Variants in THEMIS observed in about 807,000 individuals in gnomAD.
THEMIS encodes the protein thymocyte selection associated, also known as protein THEMIS.
A neutral mutation model predicts 52.6 loss-of-function variants in THEMIS; 37 were observed. That is an observed-to-expected ratio of 0.70 (90% confidence interval 0.54 to 0.93). The LOEUF (loss-of-function observed/expected upper bound fraction) is 0.93, where lower values mean the gene tolerates loss of function less well. Among genes scored for constraint, THEMIS ranks in the 40% least tolerant of loss-of-function variants. The pLI is 0.00. For missense variants in THEMIS, 808 were observed against 763.1 expected (o/e 1.06, Z -0.69); for synonymous variants, 292 against 272.7 (o/e 1.07, Z -0.70).
At chr6:127,896,053 A>G (rs1416528333) in intron 1 of THEMIS, among the ~76,000 whole-genome samples, 1 of 151,576 alleles carries the variant, frequency 6.6e-6, no homozygotes, top group Non-Finnish European at 1.5e-5. Flanking sequence ...TTTAATGTAA[A>G]AAAAACTATG....
chr6:127,759,389 A>G (rs750137795), intron 4 of THEMIS, among the ~76,000 whole-genome samples: 1 of 152,306 alleles, frequency 6.6e-6, no homozygotes, highest in African/African-American at 2.4e-5. Context: ...ACTCATATAA[A>G]TTGAATATAT....
At chr6:127,808,743 A>G (rs1181244559) in intron 4 of THEMIS, among the ~76,000 whole-genome samples, 1 of 152,216 alleles carries the variant, frequency 6.6e-6, no homozygotes, top group African/African-American at 2.4e-5. Flanking sequence ...TTATAATTCT[A>G]AAGTTTCTAC....
At chr6:127,702,616 G>GTT in the THEMIS span, among the ~76,000 whole-genome samples, 129 of 140,876 alleles carry the variant, frequency 9.2e-4, no homozygotes, top group African/African-American at 3.0e-3. Context: ...TGTCTAACCT[G>GTT]TTTTTTTTTT....
intron 4 of THEMIS, 116 bp from the exon 5 acceptor site, chr6:127,719,939 A>AC: frequency 7.5e-7 from 1 of 1,329,124 alleles, no homozygotes; most frequent in Non-Finnish European, 1.0e-6. Context: ...AACATTTGAC[A>AC]TGTCAAAGCA....
chr6:127,891,004 C>T (rs1780788795), intron 1 of THEMIS, among the ~76,000 whole-genome samples: 1 of 152,048 alleles, frequency 6.6e-6, no homozygotes, highest in African/African-American at 2.4e-5. Flanking sequence ...CCTCTGTGCC[C>T]AAGTTGGATT....
chr6:127,812,476 CAGA>C (rs532625550), intron 4 of THEMIS, among the ~76,000 whole-genome samples: 155 of 152,156 alleles, frequency 1.0e-3, no homozygotes, highest in African/African-American at 3.6e-3. Flanking sequence ...CCCCCATCCC[CAGA>C]AGAAGGGAGT....
At chr6:127,850,219 T>C (rs1293133201) in intron 2 of THEMIS, among the ~76,000 whole-genome samples, 1 of 151,842 alleles carries the variant, frequency 6.6e-6, no homozygotes, top group Non-Finnish European at 1.5e-5. Context: ...ATAGCCATAA[T>C]AAAAAAGTCA....
chr6:127,805,486 C>G (rs2114577605), intron 4 of THEMIS, among the ~76,000 whole-genome samples: 1 of 152,108 alleles, frequency 6.6e-6, no homozygotes, highest in South Asian at 2.1e-4. Context: ...CCTCCGGTCT[C>G]TTAAATTTAA....
rs34392593 is a variant in THEMIS at position 127,844,587 on chromosome 6, G to GA, written c.250+10442dup. Among the ~76,000 whole-genome samples the GA allele has an allele frequency of 3.3e-4, 48 of 146,100 alleles. 1 individual carries two copies. Among genetic ancestry groups the GA allele is most frequent in the South Asian group, 2.8e-3 (13 of 4,636 alleles). ...GAGAAAATGTGAACTTGCTGTTTGG[G>GA]AAAAAAAAAAATCTATGTTCTTCAT... On this transcript the variant is annotated intron_variant, in intron 2 of 5. Coordinates refer to ENST00000368248, the MANE Select transcript of THEMIS (RefSeq NM_001010923.3).
At chr6:127,864,522 A>T (rs759144443) in intron 1 of THEMIS, among the ~76,000 whole-genome samples, 1 of 152,124 alleles carries the variant, frequency 6.6e-6, no homozygotes, top group Non-Finnish European at 1.5e-5. Flanking sequence ...ATAGAGAGGC[A>T]TCCTGGAGAA....
At chr6:127,858,348 C>G (rs901292625) in intron 1 of THEMIS, among the ~76,000 whole-genome samples, 5 of 152,024 alleles carry the variant, frequency 3.3e-5, no homozygotes, top group African/African-American at 1.2e-4. Context: ...TGTAATTTCT[C>G]TTTAATATTT....
intron 1 of THEMIS, among the ~76,000 whole-genome samples, chr6:127,858,643 T>C (rs1779696118): frequency 6.6e-6 from 1 of 152,134 alleles, no homozygotes; most frequent in African/African-American, 2.4e-5. Context: ...GTGTAATTGC[T>C]TTTAAAAAAA....
chr6:127,838,805 C>A (rs758921992), intron 2 of THEMIS, among the ~76,000 whole-genome samples: 5 of 152,068 alleles, frequency 3.3e-5, no homozygotes, highest in Non-Finnish European at 5.9e-5. Context: ...GCAAATAATA[C>A]TCTGCATTAA....
chr6:127,822,283 A>G (rs1270749971), intron 3 of THEMIS, among the ~76,000 whole-genome samples: 1 of 151,964 alleles, frequency 6.6e-6, no homozygotes. Flanking sequence ...ATTTGATCTC[A>G]ATTTTCTTTA....
At chr6:127,787,906 T>C (rs1030785203) in intron 4 of THEMIS, among the ~76,000 whole-genome samples, 2 of 150,296 alleles carry the variant, frequency 1.3e-5, no homozygotes, top group African/African-American at 2.4e-5. Flanking sequence ...GATAGATAGA[T>C]AGATAGATAG....
chr6:127,915,981 C>T (rs565691408), intron 1 of THEMIS, among the ~76,000 whole-genome samples: 11 of 152,120 alleles, frequency 7.2e-5, no homozygotes, highest in East Asian at 1.9e-4. Context: ...AGCACCACTC[C>T]GTCTCAAAAC....
chr6:127,861,121 A>G (rs1190734124), intron 1 of THEMIS, among the ~76,000 whole-genome samples: 12 of 152,190 alleles, frequency 7.9e-5, no homozygotes, highest in Non-Finnish European at 1.5e-5. Flanking sequence ...CCTCAAAATG[A>G]CATAAATAAT....
chr6:127,841,351 A>G (rs1779041589), intron 2 of THEMIS, among the ~76,000 whole-genome samples: 2 of 152,046 alleles, frequency 1.3e-5, no homozygotes, highest in South Asian at 4.1e-4. Context: ...TTTAAGGGCA[A>G]TCTAGTTCCT....
intron 1 of THEMIS, chr6:127,868,528 C>A (rs890222072): frequency 2.1e-6 from 2 of 962,722 alleles, no homozygotes; most frequent in African/African-American, 3.5e-5. Context: ...GATGTGCCAA[C>A]ATATTGAATT....
Sources: allele counts gnomAD v4.1 joint callset (sites outside exome capture counted in the v4.1 genomes callset), GRCh38; gene constraint gnomAD v4.1.1; transcripts MANE v1.5; gene names NCBI Gene and HGNC (gene_info 2026-07-23, HGNC 2026-07-21).